MYO5B: variants seen among roughly 807,000 people sequenced by gnomAD.
MYO5B encodes the protein myosin VB, also known as unconventional myosin-Vb.
In MYO5B, 143 loss-of-function variants were observed where a neutral mutation model predicts 229.3. The observed-to-expected ratio is 0.62, with a 90% CI of 0.54 to 0.72. The LOEUF (loss-of-function observed/expected upper bound fraction) is 0.72, where lower values mean the gene tolerates loss of function less well. Among genes scored for constraint, MYO5B ranks in the 30% least tolerant of loss-of-function variants. The pLI, the probability that MYO5B is intolerant of heterozygous loss-of-function variation, is 0.00. For missense variants in MYO5B, 2,321 were observed against 2,331.0 expected, an observed-to-expected ratio of 1.00 and a Z score of 0.09; for synonymous variants, 918 against 885.2, an observed-to-expected ratio of 1.04 and a Z score of -0.66.
At chr18:50,175,442 A>G (rs2032982215) in intron 1 of MYO5B, among the ~76,000 whole-genome samples, 1 of 152,212 alleles carries the variant, frequency 6.6e-6, no homozygotes, top group Non-Finnish European at 1.5e-5. Context: ...ACTATTTTCT[A>G]CTGAATCAGT....
At chr18:49,990,386 C>T (rs2025916713) in intron 7 of MYO5B, 53 bp downstream of exon 7, 1 of 1,457,364 alleles carries the variant, frequency 6.9e-7, no homozygotes, top group Admixed American at 1.7e-5. Flanking sequence ...CAGCTGTGCA[C>T]CCGCTGGAGC....
chr18:49,842,305 C>A (rs2024067906), intron 34 of MYO5B, among the ~76,000 whole-genome samples: 1 of 152,076 alleles, frequency 6.6e-6, no homozygotes, highest in Non-Finnish European at 1.5e-5. Context: ...CACGAGCATG[C>A]AGATATGTTT....
intron 4 of MYO5B, among the ~76,000 whole-genome samples, chr18:50,006,643 C>T (rs1310278252): frequency 6.6e-6 from 1 of 152,176 alleles, no homozygotes; most frequent in Non-Finnish European, 1.5e-5. Context: ...TGCTAAACTA[C>T]TCTAACTCCT....
intron 29 of MYO5B, among the ~76,000 whole-genome samples, chr18:49,861,405 A>T (rs1023160755): frequency 6.6e-6 from 1 of 152,212 alleles, no homozygotes; most frequent in Non-Finnish European, 1.5e-5. Context: ...ACCGCTTGTC[A>T]GACCAAGCAC....
At chr18:50,185,783 A>G (rs1039729336) in intron 1 of MYO5B, among the ~76,000 whole-genome samples, 27 of 152,244 alleles carry the variant, frequency 1.8e-4, no homozygotes, top group African/African-American at 6.5e-4. Context: ...AAAAATGTAT[A>G]TTTTTAAGAA....
chr18:49,990,639 T>G (rs779899392), intron 6 of MYO5B, 119 bp from the exon 7 acceptor site: 2 of 798,678 alleles, frequency 2.5e-6, no homozygotes, highest in Non-Finnish European at 4.3e-6. Flanking sequence ...CTTCCCAGTG[T>G]TTTCCTCCAC....
chr18:50,185,541 T>C (rs1294628407), intron 1 of MYO5B, among the ~76,000 whole-genome samples: 2 of 152,226 alleles, frequency 1.3e-5, no homozygotes, highest in African/African-American at 4.8e-5. Flanking sequence ...TCTTGAATGT[T>C]TCTAATGCAA....
chr18:49,991,662 C>T (rs564952580), intron 6 of MYO5B, among the ~76,000 whole-genome samples: 4 of 152,100 alleles, frequency 2.6e-5, no homozygotes, highest in South Asian at 2.1e-4. Flanking sequence ...CATCAAACAC[C>T]GGGGCCTGTC....
intron 1 of MYO5B, among the ~76,000 whole-genome samples, chr18:50,193,514 C>G (rs565146668): frequency 6.6e-6 from 1 of 152,266 alleles, no homozygotes; most frequent in Non-Finnish European, 1.5e-5. Flanking sequence ...GAAGGGCTCC[C>G]ACATGGGCTA....
At chr18:49,835,572 C>G (rs2023977750) in intron 38 of MYO5B, 148 bp from the exon 39 acceptor site, 10 of 648,840 alleles carry the variant, frequency 1.5e-5, no homozygotes, top group South Asian at 3.7e-5. Flanking sequence ...GACATTTACA[C>G]TTGGAGCCTG....
chr18:49,965,917 A>C (rs747396425), intron 10 of MYO5B, among the ~76,000 whole-genome samples: 1 of 152,248 alleles, frequency 6.6e-6, no homozygotes, highest in Non-Finnish European at 1.5e-5. Flanking sequence ...GGCTCCATTC[A>C]GCCCACTCCA....
At chr18:50,084,282 GT>G (rs1464267271) in intron 1 of MYO5B, among the ~76,000 whole-genome samples, 1 of 152,256 alleles carries the variant, frequency 6.6e-6, no homozygotes, top group East Asian at 1.9e-4. Context: ...GTTATACTCA[GT>G]TTTGTTTTTC....
intron 4 of MYO5B, among the ~76,000 whole-genome samples, chr18:50,032,552 T>C (rs2026401409): frequency 1.3e-5 from 2 of 152,260 alleles, no homozygotes; most frequent in Non-Finnish European, 2.9e-5. Context: ...TCTGTTCCCT[T>C]TTATGGCCAA....
intron 1 of MYO5B, among the ~76,000 whole-genome samples, chr18:50,114,026 T>C (rs1020584242): frequency 1.3e-5 from 2 of 152,214 alleles, no homozygotes; most frequent in African/African-American, 4.8e-5. Context: ...TAAAAATCTA[T>C]CTGCCACCTG....
intron 1 of MYO5B, among the ~76,000 whole-genome samples, chr18:50,120,294 T>C (rs1169563214): frequency 2.6e-5 from 4 of 152,184 alleles, no homozygotes; most frequent in Non-Finnish European, 5.9e-5. Context: ...CTGAAGACAA[T>C]GTCTGCTCGA....
intron 1 of MYO5B, among the ~76,000 whole-genome samples, chr18:50,193,530 C>A (rs187071184): frequency 7.7e-4 from 118 of 152,380 alleles, no homozygotes; most frequent in East Asian, 7.2e-3. Context: ...GGCTAGACAG[C>A]CGCGTGTGAT....
chr18:50,052,471 C>T (rs889414482), intron 2 of MYO5B, among the ~76,000 whole-genome samples: 7 of 147,340 alleles, frequency 4.8e-5, no homozygotes, highest in South Asian at 2.2e-4. Flanking sequence ...AACCAAACAC[C>T]GCATGTTCTC....
At chr18:50,174,276 G>A (rs112111654) in intron 1 of MYO5B, among the ~76,000 whole-genome samples, 282 of 152,266 alleles carry the variant, frequency 1.9e-3, no homozygotes, top group African/African-American at 6.3e-3. Context: ...TTCCTTTGGA[G>A]ACAAACAAGC....
chr18:50,107,607 G>A (rs1390904610), intron 1 of MYO5B, among the ~76,000 whole-genome samples: 3 of 152,166 alleles, frequency 2.0e-5, no homozygotes, highest in Non-Finnish European at 4.4e-5. Flanking sequence ...CAGCCACACA[G>A]CCATTTCCTG....
Sources: allele counts gnomAD v4.1 joint callset (sites outside exome capture counted in the v4.1 genomes callset), GRCh38; gene constraint gnomAD v4.1.1; transcripts MANE v1.5; gene names NCBI Gene and HGNC (gene_info 2026-07-23, HGNC 2026-07-21).